Variants in TLN2 observed in about 807,000 individuals in gnomAD.
TLN2 encodes the protein talin 2.
A neutral mutation model predicts 294.7 loss-of-function variants in TLN2; 118 were observed. The observed-to-expected ratio is 0.40, with a 90% CI of 0.34 to 0.47. The LOEUF is 0.47. TLN2 is among the 20% of genes least tolerant of loss of function. TLN2 has a pLI of 0.84. For synonymous variants in TLN2, 1,431 were observed against 1,304.5 expected, an observed-to-expected ratio of 1.10 and a Z score of -2.09; for missense variants, 3,083 against 3,282.2, an observed-to-expected ratio of 0.94 and a Z score of 1.48.
intron 1 of TLN2, among the ~76,000 whole-genome samples, chr15:62,484,533 C>G (rs184784015): frequency 6.6e-6 from 1 of 152,074 alleles, no homozygotes; most frequent in East Asian, 1.9e-4. Flanking sequence ...TCAAGCGATT[C>G]TCCTGCCTCA....
intron 32 of TLN2, among the ~76,000 whole-genome samples, chr15:62,746,414 C>T (rs1393568105): frequency 6.6e-6 from 1 of 152,142 alleles, no homozygotes; most frequent in African/African-American, 2.4e-5. Context: ...TGCTTTGCAC[C>T]ATAGAGAGCG....
chr15:62,396,241 G>A (rs1416515085), intron 1 of TLN2, among the ~76,000 whole-genome samples: 1 of 152,160 alleles, frequency 6.6e-6, no homozygotes, highest in Non-Finnish European at 1.5e-5. Context: ...AGGAGGGAGA[G>A]GTAATTAACT....
At chr15:62,556,111 T>G (rs890057446) in intron 1 of TLN2, among the ~76,000 whole-genome samples, 1 of 151,930 alleles carries the variant, frequency 6.6e-6, no homozygotes, top group African/African-American at 2.4e-5. Context: ...GGTAGTTCTC[T>G]CCATTATTGT....
intron 21 of TLN2, among the ~76,000 whole-genome samples, chr15:62,709,782 T>A (rs969439319): frequency 1.3e-5 from 2 of 152,002 alleles, no homozygotes; most frequent in African/African-American, 2.4e-5. Flanking sequence ...TTGCCCAGGC[T>A]GGGGTGCAGT....
chr15:62,801,381 G>A (rs953420499), intron 50 of TLN2, among the ~76,000 whole-genome samples: 3 of 152,174 alleles, frequency 2.0e-5, no homozygotes, highest in African/African-American at 7.2e-5. Flanking sequence ...ATCCCACAAT[G>A]GTTGTGGATT....
intron 1 of TLN2, among the ~76,000 whole-genome samples, chr15:62,503,669 C>G (rs2039427729): frequency 6.6e-6 from 1 of 152,194 alleles, no homozygotes; most frequent in South Asian, 2.1e-4. Context: ...GTATGCTTGC[C>G]CCATTTCCTC....
rs972245993 is a variant in TLN2 at position 62,694,487 on chromosome 15, C to T, written c.1292+95C>T. On this transcript the variant is annotated intron_variant, in intron 14 of 58. Transcript: ENST00000636159. Reference sequence around the variant, plus strand: ...GAGCCTGCTGCTCTGAAGCCTGTCACCTGGAGAAGATGACAGCAGATGATA... The same window carrying T: ...GAGCCTGCTGCTCTGAAGCCTGTCATCTGGAGAAGATGACAGCAGATGATA... The T allele has an allele frequency of 6.1e-6, 6 of 987,056 alleles. No individual in the cohort carries two copies. In the African/African-American group the frequency reaches 8.1e-5, roughly 13 times the overall value. 61.1% of individuals were successfully genotyped at this position (987,056 alleles called of 1,614,324 possible).
At chr15:62,479,706 G>A (rs2037979260) in intron 1 of TLN2, among the ~76,000 whole-genome samples, 1 of 152,062 alleles carries the variant, frequency 6.6e-6, no homozygotes, top group Admixed American at 6.5e-5. Context: ...GGCTGGTCTC[G>A]AATTCCTGGC....
In TLN2 at chr15:62,491,432, G is replaced by A. The variant is rs779238259; in HGVS notation, c.-237-98255G>A. Among the ~76,000 whole-genome samples, 13 of 151,264 alleles carry A rather than the reference G, an allele frequency of 8.6e-5. No homozygotes were observed. The South Asian group carries it at 1.0e-3, about 12-fold the overall frequency. ...ATGTACATTGGTACCTTCTGGAAAGGTGGGACAACTGGAAGTGGGTGGGGG... is the reference window on the plus strand; with the variant it reads ...ATGTACATTGGTACCTTCTGGAAAGATGGGACAACTGGAAGTGGGTGGGGG... On this transcript the variant is annotated intron_variant, in intron 1 of 58. Coordinates refer to ENST00000636159, the MANE Select transcript of TLN2 (RefSeq NM_015059.3).
At chr15:62,394,240 A>G (rs558360591) in intron 1 of TLN2, among the ~76,000 whole-genome samples, 12 of 152,304 alleles carry the variant, frequency 7.9e-5, no homozygotes, top group African/African-American at 2.6e-4. Flanking sequence ...TGTGTGTGGC[A>G]TGTCCAGACT....
intron 54 of TLN2, among the ~76,000 whole-genome samples, chr15:62,822,994 C>A (rs920035432): frequency 6.6e-6 from 1 of 152,130 alleles, no homozygotes; most frequent in African/African-American, 2.4e-5. Context: ...TGAGGACTCC[C>A]TACAGTACTC....
intron 1 of TLN2, among the ~76,000 whole-genome samples, chr15:62,466,387 T>G (rs2037136188): frequency 6.6e-6 from 1 of 152,234 alleles, no homozygotes; most frequent in African/African-American, 2.4e-5. Context: ...TGGATGATTC[T>G]TTGTTGTGCG....
chr15:62,455,144 G>T (rs1027057931), intron 1 of TLN2, among the ~76,000 whole-genome samples: 1 of 151,944 alleles, frequency 6.6e-6, no homozygotes, highest in African/African-American at 2.4e-5. Context: ...CCTTTTTGAG[G>T]GTCTGTCGTG....
chr15:62,818,079 G>T (rs981997703), intron 52 of TLN2, among the ~76,000 whole-genome samples: 3 of 152,172 alleles, frequency 2.0e-5, no homozygotes, highest in Non-Finnish European at 4.4e-5. Context: ...CAAAGTGCTG[G>T]GATTACAAGC....
At position 62,792,674 on chromosome 15, in the gene TLN2, C is replaced by G. The variant is rs773455583; in HGVS notation, c.5770C>G (p.Leu1924Val). 7 of 1,613,764 alleles carry G rather than the reference C, an allele frequency of 4.3e-6. No individual in the cohort carries two copies. The East Asian group carries it at 1.6e-4, about 36-fold the overall frequency. The change falls in exon 46 of 59, where the codon CTG becomes GTG. Residue 1924 changes from leucine to valine, a missense_variant. Leu to Val is a conservative substitution (Grantham distance 32). Transcript: ENST00000636159. ...GFQIRTRVQDLGHGCIFLVQK... is the reference protein window; with the variant it reads ...GFQIRTRVQDVGHGCIFLVQK... ...CCAGATTCGCACTCGTGTGCAGGAC[C>G]TGGGCCACGGCTGTATCTTCCTGGT...
chr15:62,533,514 A>G (rs1200267898), intron 1 of TLN2, among the ~76,000 whole-genome samples: 1 of 152,144 alleles, frequency 6.6e-6, no homozygotes, highest in Non-Finnish European at 1.5e-5. Flanking sequence ...CATTATAAAT[A>G]TATATAATAA....
chr15:62,683,641 A>G (rs1275507103), intron 11 of TLN2, among the ~76,000 whole-genome samples: 1 of 152,032 alleles, frequency 6.6e-6, no homozygotes, highest in Non-Finnish European at 1.5e-5. Flanking sequence ...AACAAAAACA[A>G]TCTAATCAGG....
At chr15:62,426,096 AC>A (rs1221650361) in intron 1 of TLN2, among the ~76,000 whole-genome samples, 2 of 152,122 alleles carry the variant, frequency 1.3e-5, no homozygotes, top group East Asian at 3.9e-4. Flanking sequence ...GCCGTATCTC[AC>A]ATTTCCATGG....
chr15:62,800,759 A>G lies in TLN2; in HGVS notation c.6467A>G (p.Gln2156Arg). The G allele has an allele frequency of 6.2e-7, 1 of 1,611,716 alleles. No homozygotes were observed. The highest frequency in any genetic ancestry group is 8.5e-7 in the Non-Finnish European group (1 of 1,178,916). The change falls in exon 50 of 59, where the codon CAG becomes CGG. Residue 2156 changes from glutamine to arginine, a missense_variant. Coordinates refer to ENST00000636159, the MANE Select transcript of TLN2 (RefSeq NM_015059.3). ...ALEATIECIK[Q>R]ELTVFQSKDV... ...GAGGCCACAATTGAATGCATAAAGC[A>G]GGAGCTTACGGTAAGGAGCCAGCAG...
Sources: gnomAD v4.1 joint callset for allele counts (sites outside exome capture counted in the v4.1 genomes callset) on GRCh38, gnomAD v4.1.1 for gene constraint, MANE v1.5 for transcripts, NCBI Gene and HGNC (gene_info 2026-07-23, HGNC 2026-07-21) for gene names.